The following NCS1 variants were observed in gnomAD, a reference collection of about 807,000 sequenced individuals.
NCS1 encodes the protein frequenin homolog.
NCS1 carries 6 observed loss-of-function variants against 28.4 expected under a neutral mutation model. The observed-to-expected ratio is 0.21, with a 90% CI of 0.12 to 0.42. NCS1 has a LOEUF of 0.42. NCS1 is among the 10% of genes least tolerant of loss of function. The probability of loss-of-function intolerance (pLI) is 1.00; values close to 1 mark genes in which losing one functional copy is unlikely to be tolerated. For synonymous variants in NCS1, 86 were observed against 99.3 expected (o/e 0.87, Z 0.79); for missense variants, 131 against 241.4 (o/e 0.54, Z 3.03).
At position 130,181,200 on chromosome 9, in the gene NCS1, A is replaced by C. The variant is rs978757327; in HGVS notation, c.64+8473A>C. On this transcript the variant is annotated intron_variant, in intron 1 of 7. Transcript: ENST00000372398. The surrounding 1 kb of genome is among the most constrained non-coding windows in gnomAD (Gnocchi z 5.0). Reference sequence around the variant, plus strand: ...TGGTGTTCAAGACCCAGGCCCTTGGATCTTCTCAGCCTCAGGCATGGTTCT... The same window carrying C: ...TGGTGTTCAAGACCCAGGCCCTTGGCTCTTCTCAGCCTCAGGCATGGTTCT... Among the ~76,000 whole-genome samples, 3 of 152,014 alleles carry C rather than the reference A, an allele frequency of 2.0e-5. No individual in the cohort carries two copies. Among genetic ancestry groups the C allele is most frequent in the Admixed American group, 1.3e-4 (2 of 15,270 alleles).
At chr9:130,221,413 T>TATATAG (rs1833297741) in intron 4 of NCS1, among the ~76,000 whole-genome samples, 1 of 57,750 alleles carries the variant, frequency 1.7e-5, no homozygotes, top group African/African-American at 7.9e-5. Context: ...TATATATATA[T>TATATAG]AGAGAGAGAG....
rs1012389881 is a variant in NCS1, at chr9:130,235,417, A to G, written c.*2445A>G. 3.9e-5 allele frequency: 6 copies of G among 152,522 alleles called. No homozygotes were observed. Among genetic ancestry groups the G allele is most frequent in the Admixed American group, 2.0e-4 (3 of 15,302 alleles). 9.4% of individuals were successfully genotyped at this position (152,522 alleles called of 1,614,324 possible). ...AGGCTCGATTTGCCTCTCTGGTCCA[A>G]TGGGACTGACACTGTTGTACAACCT... is the stretch of plus-strand genomic sequence containing the variant. On this transcript the variant is annotated 3_prime_UTR_variant, in exon 8 of 8. Transcript: ENST00000372398.
At chr9:130,230,706 C>A (rs1833488755) in intron 7 of NCS1, among the ~76,000 whole-genome samples, 1 of 142,444 alleles carries the variant, frequency 7.0e-6, no homozygotes, top group East Asian at 2.0e-4. Context: ...AAGACTCTGT[C>A]TCTTTAAAAA....
chr9:130,204,899 G>A (rs2131138981), intron 2 of NCS1, among the ~76,000 whole-genome samples: 1 of 152,122 alleles, frequency 6.6e-6, no homozygotes. Context: ...GGCCCAGGGG[G>A]GTGAGTGACT....
chr9:130,195,132 T>G (rs1344391348), intron 1 of NCS1, among the ~76,000 whole-genome samples: 10 of 152,222 alleles, frequency 6.6e-5, no homozygotes, highest in African/African-American at 1.7e-4. Context: ...TCCTGCTAGA[T>G]GCCTGAGTCC....
Position 130,234,489 on chromosome 9 carries a change from C to T in NCS1, c.*1517C>T, listed in dbSNP as rs546708369. 5 of 152,438 alleles carry T rather than the reference C, an allele frequency of 3.3e-5. No homozygotes were observed. The highest frequency in any genetic ancestry group is 3.4e-3 in the Middle Eastern group (1 of 294). The allele number at this position is 152,438 out of a possible 1,614,324, so 9.4% of individuals were successfully genotyped here. On this transcript the variant is annotated 3_prime_UTR_variant, in exon 8 of 8. Transcript: ENST00000372398. This position sits in a 1 kb window ranked among gnomAD's most constrained non-coding sequence, Gnocchi z 6.1. ...TCTTTGATTGTGGGCAGCCTCCTGC[C>T]CTCTCTGGGTCTCAGTTGCCCCATC...
chr9:130,223,173 G>GA lies in NCS1; in HGVS notation c.474+14_474+15insA, dbSNP rs1554910857. 1 of 1,584,634 alleles carries GA rather than the reference G, an allele frequency of 6.3e-7. No homozygotes were observed. The highest frequency in any genetic ancestry group is 2.2e-5 in the East Asian group (1 of 44,686). On this transcript the variant is annotated intron_variant, in intron 6 of 7. Transcript: ENST00000372398. ...ATGATGGATAAGGTGAGGTGGGGGG[G>GA]CGGGGCTGGTCCTGGACCAGGGAGG...
At chr9:130,220,149 C>T (rs1010861317) in intron 4 of NCS1, among the ~76,000 whole-genome samples, 6 of 152,292 alleles carry the variant, frequency 3.9e-5, no homozygotes, top group South Asian at 2.1e-4. Context: ...TGGCTGCACT[C>T]GGGCAGGTGC....
rs551008184 is a variant in NCS1 at position 130,218,030 on chromosome 9, C to T, written c.228+60C>T. On this transcript the variant is annotated intron_variant, in intron 3 of 7. Coordinates refer to ENST00000372398, the MANE Select transcript of NCS1 (RefSeq NM_014286.4). Reference sequence around the variant, plus strand: ...GCTCAGCTCCTGTGGGTACCCGCAGCGTCTCCACACCCACTCTCTCCTGCC... The same window carrying T: ...GCTCAGCTCCTGTGGGTACCCGCAGTGTCTCCACACCCACTCTCTCCTGCC... 1.7e-4 allele frequency: 274 copies of T among 1,598,668 alleles called. 1 individual carries two copies. The South Asian group carries it at 2.9e-3, about 17-fold the overall frequency.
At chr9:130,182,451 G>A (rs782619419) in intron 1 of NCS1, among the ~76,000 whole-genome samples, 10 of 152,200 alleles carry the variant, frequency 6.6e-5, no homozygotes, top group African/African-American at 1.4e-4. Flanking sequence ...GTGTGAGGTT[G>A]GTGGCAGATA....
At chr9:130,173,189 C>T (rs962163420) in intron 1 of NCS1, among the ~76,000 whole-genome samples, 15 of 138,572 alleles carry the variant, frequency 1.1e-4, no homozygotes, top group Admixed American at 3.7e-4. Flanking sequence ...CCTCCCTGGC[C>T]CCGTTCGTGT....
intron 1 of NCS1, among the ~76,000 whole-genome samples, chr9:130,190,189 G>A (rs1296101654): frequency 2.0e-5 from 3 of 151,994 alleles, no homozygotes; most frequent in African/African-American, 7.3e-5. Flanking sequence ...CATTCTGTGA[G>A]AACACACATA....
rs1255080872 is a variant in NCS1, at chr9:130,172,593, C to G, written c.-71C>G. 4 of 869,002 alleles carry G rather than the reference C, an allele frequency of 4.6e-6. No homozygotes were observed. Among genetic ancestry groups the G allele is most frequent in the Non-Finnish European group, 5.8e-6 (4 of 688,366 alleles). The allele number at this position is 869,002 out of a possible 1,614,324, so 53.8% of individuals were successfully genotyped here. On this transcript the variant is annotated 5_prime_UTR_variant, in exon 1 of 8. Coordinates refer to ENST00000372398, the MANE Select transcript of NCS1 (RefSeq NM_014286.4). Reference sequence around the variant, plus strand: ...AGGCGCGGCCCCGGCCCGGCCCGCCCGGCCCAGCCGCTCCTGCTGGGCGCC... The same window carrying G: ...AGGCGCGGCCCCGGCCCGGCCCGCCGGGCCCAGCCGCTCCTGCTGGGCGCC...
chr9:130,188,914 G>C lies in NCS1; in HGVS notation c.65-12044G>C, dbSNP rs144620208. On this transcript the variant is annotated intron_variant, in intron 1 of 7. Transcript: ENST00000372398. Reference sequence around the variant, plus strand: ...GTATTTGTAATAGACACGGGGTTTTGCCATGTTGGCCAGGCTGGTCTCAAA... The same window carrying C: ...GTATTTGTAATAGACACGGGGTTTTCCCATGTTGGCCAGGCTGGTCTCAAA... 7.9e-3 allele frequency among the ~76,000 whole-genome samples: 1,179 copies of C among 150,180 alleles called. 19 individuals are homozygous for C. The highest frequency in any genetic ancestry group is 0.046 in the East Asian group (230 of 5,050).
chr9:130,210,843 C>CTTTTCTTTTT (rs1554908687), intron 2 of NCS1, among the ~76,000 whole-genome samples: 89 of 141,064 alleles, frequency 6.3e-4, no homozygotes, highest in African/African-American at 2.1e-3. Flanking sequence ...TTTTTCTTTT[C>CTTTTCTTTTT]TTTTTTTTTT....
chr9:130,177,409 G>A lies in NCS1; in HGVS notation c.64+4682G>A, dbSNP rs950666698. Among the ~76,000 whole-genome samples, 5 of 152,288 alleles carry A rather than the reference G, an allele frequency of 3.3e-5. No individual in the cohort carries two copies. The highest frequency in any genetic ancestry group is 9.6e-5 in the African/African-American group (4 of 41,562). On this transcript the variant is annotated intron_variant, in intron 1 of 7. Coordinates refer to ENST00000372398, the MANE Select transcript of NCS1 (RefSeq NM_014286.4). This position sits in a 1 kb window ranked among gnomAD's most constrained non-coding sequence, Gnocchi z 4.4. ...AAGCTGGGGGTTGTGTGATGGCTGC[G>A]TGGGGACATGGAGGGCCCACAGCCA...
chr9:130,223,292 C>G, intron 6 of NCS1, 133 bp downstream of exon 6: 1 of 742,922 alleles, frequency 1.3e-6, no homozygotes, highest in Non-Finnish European at 2.3e-6. Context: ...GCACGGTGTC[C>G]TATCCCTGCT....
chr9:130,173,910 C>A (rs905365436), intron 1 of NCS1, among the ~76,000 whole-genome samples: 1 of 152,214 alleles, frequency 6.6e-6, no homozygotes, highest in East Asian at 1.9e-4. Flanking sequence ...ATGCCCCTCA[C>A]CCCTCATGCT....
Position 130,172,637 on chromosome 9 carries a change from G to C in NCS1, c.-27G>C, listed in dbSNP as rs527336119. 1.9e-4 allele frequency: 267 copies of C among 1,419,114 alleles called. No individual in the cohort carries two copies. Among genetic ancestry groups the C allele is most frequent in the Admixed American group, 2.5e-4 (11 of 43,754 alleles). The allele number at this position is 1,419,114 out of a possible 1,614,324, so 87.9% of individuals were successfully genotyped here. ...GGGCGCCCCAACCGGGTCCGGCCCG[G>C]GGGGGCGGGGGCCGCGGCCGCCGAG... is the stretch of plus-strand genomic sequence containing the variant. On this transcript the variant is annotated 5_prime_UTR_variant, in exon 1 of 8. Coordinates refer to ENST00000372398, the MANE Select transcript of NCS1 (RefSeq NM_014286.4).
Sources: allele counts gnomAD v4.1 joint callset (sites outside exome capture counted in the v4.1 genomes callset), GRCh38; gene constraint gnomAD v4.1.1; non-coding constraint Gnocchi (gnomAD v3.1); transcripts MANE v1.5; gene names NCBI Gene and HGNC (gene_info 2026-07-23, HGNC 2026-07-21).